NELL1: variants seen among roughly 807,000 people sequenced by gnomAD.
The protein encoded by NELL1 is protein kinase C-binding protein NELL1.
A neutral mutation model predicts 107.4 loss-of-function variants in NELL1; 76 were observed. That is an observed-to-expected ratio of 0.71 (90% CI 0.59 to 0.86). The LOEUF is 0.86. NELL1 is among the 40% of genes least tolerant of loss of function. The probability of loss-of-function intolerance (pLI) is 0.00; values close to 1 mark genes in which losing one functional copy is unlikely to be tolerated. For missense variants in NELL1, 1,024 were observed against 1,005.5 expected (o/e 1.02, Z -0.25); for synonymous variants, 353 against 341.2 (o/e 1.03, Z -0.38).
chr11:21,220,807 G>A (rs564042104), intron 13 of NELL1, among the ~76,000 whole-genome samples: 42 of 151,960 alleles, frequency 2.8e-4, no homozygotes, highest in South Asian at 6.2e-4. Flanking sequence ...ATATTATATC[G>A]TCTGCAAAGA....
chr11:20,840,112 A>G (rs1436192295), intron 3 of NELL1, among the ~76,000 whole-genome samples: 1 of 152,210 alleles, frequency 6.6e-6, no homozygotes, highest in African/African-American at 2.4e-5. Flanking sequence ...TGGTTTATTT[A>G]TATTAAATTA....
chr11:21,123,366 TGC>T (rs559250563), intron 13 of NELL1, among the ~76,000 whole-genome samples: 3 of 148,440 alleles, frequency 2.0e-5, no homozygotes, highest in African/African-American at 7.5e-5. Flanking sequence ...TGTGTGTGTG[TGC>T]GTTTCCATGT....
At chr11:21,509,861 G>A (rs1014174842) in intron 15 of NELL1, among the ~76,000 whole-genome samples, 33 of 152,138 alleles carry the variant, frequency 2.2e-4, no homozygotes, top group Non-Finnish European at 4.1e-4. Context: ...ACAAATATAT[G>A]TGTAGGTGAG....
At chr11:20,993,748 C>G (rs1852028346) in intron 12 of NELL1, among the ~76,000 whole-genome samples, 1 of 151,926 alleles carries the variant, frequency 6.6e-6, no homozygotes. Flanking sequence ...GGAATAATGA[C>G]AAGAAAAATG....
chr11:20,927,154 A>T (rs2134171636), intron 7 of NELL1, 154 bp from the exon 8 acceptor site: 5 of 641,034 alleles, frequency 7.8e-6, no homozygotes, highest in Middle Eastern at 4.3e-4. Flanking sequence ...TAAAAAAAAT[A>T]AAAAAAACAA....
At chr11:21,169,859 G>A in intron 13 of NELL1, 1 of 1,416,640 alleles carries the variant, frequency 7.1e-7, no homozygotes, top group Non-Finnish European at 9.9e-7. Flanking sequence ...GTCCCCCCAG[G>A]AAGAGTTGCC....
chr11:21,135,512 CT>C (rs1855726045), intron 13 of NELL1, among the ~76,000 whole-genome samples: 1 of 152,108 alleles, frequency 6.6e-6, no homozygotes, highest in African/African-American at 2.4e-5. Flanking sequence ...CCAAAGAGAC[CT>C]GAATTTGTGT....
chr11:20,913,342 A>G (rs1850174332), intron 5 of NELL1, among the ~76,000 whole-genome samples: 1 of 152,162 alleles, frequency 6.6e-6, no homozygotes, highest in Admixed American at 6.6e-5. Flanking sequence ...GGGAAATAAG[A>G]GCGTTAAAAA....
chr11:20,857,682 C>G (rs1848908471), intron 4 of NELL1, among the ~76,000 whole-genome samples: 1 of 152,226 alleles, frequency 6.6e-6, no homozygotes, highest in Non-Finnish European at 1.5e-5. Context: ...CTGCAGGACG[C>G]TGCCCAGGTT....
intron 14 of NELL1, among the ~76,000 whole-genome samples, chr11:21,243,996 C>G (rs1441939687): frequency 6.6e-6 from 1 of 152,016 alleles, no homozygotes; most frequent in Non-Finnish European, 1.5e-5. Context: ...TGGGATGCAA[C>G]ATTGTAGCAT....
chr11:20,828,497 C>G (rs1857933513), intron 3 of NELL1, among the ~76,000 whole-genome samples: 1 of 152,182 alleles, frequency 6.6e-6, no homozygotes. Context: ...TTTCCTAGCA[C>G]TTTTCTAAAA....
intron 16 of NELL1, among the ~76,000 whole-genome samples, chr11:21,537,325 G>T (rs1294640315): frequency 6.6e-6 from 1 of 152,050 alleles, no homozygotes; most frequent in Non-Finnish European, 1.5e-5. Flanking sequence ...AGATGATATT[G>T]TTCCTGCCTG....
chr11:21,179,582 T>C (rs1856783777), intron 13 of NELL1, among the ~76,000 whole-genome samples: 1 of 151,880 alleles, frequency 6.6e-6, no homozygotes. Flanking sequence ...TTTAAGTCTT[T>C]GCTTATGTCA....
chr11:21,163,352 C>A (rs1378311589), intron 13 of NELL1, among the ~76,000 whole-genome samples: 1 of 152,066 alleles, frequency 6.6e-6, no homozygotes, highest in Non-Finnish European at 1.5e-5. Context: ...GGAAGATGAT[C>A]TAGAGACAGA....
At chr11:21,423,548 C>T (rs1031369435) in intron 15 of NELL1, among the ~76,000 whole-genome samples, 2 of 151,810 alleles carry the variant, frequency 1.3e-5, no homozygotes, top group Non-Finnish European at 2.9e-5. Flanking sequence ...CTTTCATACC[C>T]CACTCTCAGT....
intron 13 of NELL1, among the ~76,000 whole-genome samples, chr11:21,227,044 C>G (rs1323949847): frequency 6.6e-6 from 1 of 152,158 alleles, no homozygotes; most frequent in African/African-American, 2.4e-5. Flanking sequence ...AAGGATAGAC[C>G]AGGCTTTTGG....
At chr11:20,907,084 G>C (rs901407029) in intron 5 of NELL1, among the ~76,000 whole-genome samples, 2 of 151,860 alleles carry the variant, frequency 1.3e-5, no homozygotes, top group Non-Finnish European at 2.9e-5. Context: ...ATAGAAGTTA[G>C]ACCCCCTACT....
chr11:20,790,529 T>G (rs1192716443), intron 3 of NELL1, among the ~76,000 whole-genome samples: 2 of 152,144 alleles, frequency 1.3e-5, no homozygotes. Flanking sequence ...CAGGGATGCG[T>G]GGGCCCACAG....
intron 12 of NELL1, among the ~76,000 whole-genome samples, chr11:21,047,769 T>C (rs987007194): frequency 3.9e-5 from 6 of 152,108 alleles, no homozygotes; most frequent in African/African-American, 1.2e-4. Context: ...GAATGATAAC[T>C]CACAATTAGT....
Sources: gnomAD v4.1 joint callset for allele counts (sites outside exome capture counted in the v4.1 genomes callset) on GRCh38, gnomAD v4.1.1 for gene constraint, MANE v1.5 for transcripts, NCBI Gene and HGNC (gene_info 2026-07-23, HGNC 2026-07-21) for gene names.